BIRC5: variants seen among roughly 807,000 people sequenced by gnomAD.
The protein encoded by BIRC5 is baculoviral IAP repeat-containing protein 5.
Under a neutral mutation model 15.8 loss-of-function variants are expected in BIRC5, and 8 were observed. That is an observed-to-expected ratio of 0.51 (90% confidence interval 0.30 to 0.91). The LOEUF is 0.91. Ranked by LOEUF, BIRC5 falls within the 40% of genes least tolerant of loss-of-function variation. The pLI is 0.07. For synonymous variants in BIRC5, 56 were observed against 64.5 expected, an observed-to-expected ratio of 0.87 and a Z score of 0.63; for missense variants, 163 against 178.6, an observed-to-expected ratio of 0.91 and a Z score of 0.50.
In BIRC5 at chr17:78,216,801, A is replaced by G; in HGVS notation, c.339+20A>G. 5 of 1,575,942 alleles carry G rather than the reference A, an allele frequency of 3.2e-6. No homozygotes were observed. The highest frequency in any genetic ancestry group is 4.4e-6 in the Non-Finnish European group (5 of 1,148,056). On this transcript the variant is annotated intron_variant, in intron 3 of 3. Coordinates refer to ENST00000350051, the MANE Select transcript of BIRC5 (RefSeq NM_001168.3). ...AAAATTGTATGTATTGGGAATAAGAACTGCTCAAACCCTGTTCAATGTCTT... is the reference window on the plus strand; with the variant it reads ...AAAATTGTATGTATTGGGAATAAGAGCTGCTCAAACCCTGTTCAATGTCTT...
chr17:78,218,423 A>G (rs990659135), intron 3 of BIRC5, among the ~76,000 whole-genome samples: 1 of 149,588 alleles, frequency 6.7e-6, no homozygotes, highest in Non-Finnish European at 1.5e-5. Flanking sequence ...CCTCCCGAGT[A>G]GCTGGGACTA....
At chr17:78,222,119 T>C (rs1056027194) in intron 3 of BIRC5, among the ~76,000 whole-genome samples, 2 of 152,006 alleles carry the variant, frequency 1.3e-5, no homozygotes, top group Non-Finnish European at 2.9e-5. Context: ...GAGGATCACT[T>C]TGAGCCTTGC....
Position 78,215,920 on chromosome 17 carries a change from G to C in BIRC5, c.222-744G>C, listed in dbSNP as rs771479665. 40 of 1,065,790 alleles carry C rather than the reference G, an allele frequency of 3.8e-5. 1 individual carries two copies. The South Asian group carries it at 9.8e-4, about 26-fold the overall frequency. 66.0% of individuals were successfully genotyped at this position (1,065,790 alleles called of 1,614,324 possible). On this transcript the variant is annotated intron_variant, in intron 2 of 3. Coordinates refer to ENST00000350051, the MANE Select transcript of BIRC5 (RefSeq NM_001168.3). ...AGAGTGTGAGCTAGGGGGTCCCTTGGGGAACCCGGGGCAATAATGCCCTTC... is the reference window on the plus strand; with the variant it reads ...AGAGTGTGAGCTAGGGGGTCCCTTGCGGAACCCGGGGCAATAATGCCCTTC...
At chr17:78,220,830 C>T (rs2076510454) in intron 3 of BIRC5, among the ~76,000 whole-genome samples, 1 of 152,136 alleles carries the variant, frequency 6.6e-6, no homozygotes, top group Non-Finnish European at 1.5e-5. Context: ...AAATGATTCT[C>T]CCACCTCAGC....
At chr17:78,222,060 G>T (rs1807288345) in intron 3 of BIRC5, among the ~76,000 whole-genome samples, 1 of 151,892 alleles carries the variant, frequency 6.6e-6, no homozygotes, top group African/African-American at 2.4e-5. Context: ...AATTAGCCAG[G>T]CATGGTGGCA....
rs1491029952 is a variant in BIRC5, at chr17:78,223,701, CTT to C, written c.*148_*149del. The C allele has an allele frequency of 1.4e-6, 2 of 1,453,004 alleles. No individual in the cohort carries two copies. Among genetic ancestry groups the C allele is most frequent in the Non-Finnish European group, 1.8e-6 (2 of 1,095,790 alleles). 90.0% of individuals were successfully genotyped at this position (1,453,004 alleles called of 1,614,324 possible). ...TCAAATTAGATGTTTCAACTGTGCT[CTT>C]GTTTTGTCTTGAAAGTGGCACCAGA... On this transcript the variant is annotated 3_prime_UTR_variant, in exon 4 of 4. Transcript: ENST00000350051.
chr17:78,214,525 C>A, intron 1 of BIRC5, 98 bp downstream of exon 1: 1 of 1,300,480 alleles, frequency 7.7e-7, no homozygotes, highest in Non-Finnish European at 1.0e-6. Flanking sequence ...GCCGCCCTCC[C>A]CTCCCCGTCC....
At chr17:78,215,431 GAAAA>G (rs955782633) in intron 2 of BIRC5, among the ~76,000 whole-genome samples, 1 of 135,522 alleles carries the variant, frequency 7.4e-6, no homozygotes, top group African/African-American at 2.7e-5. Context: ...ATAAAAAATT[GAAAA>G]AAAAAAAAGA....
At chr17:78,214,485 G>A in intron 1 of BIRC5, 58 bp downstream of exon 1, 1 of 1,449,408 alleles carries the variant, frequency 6.9e-7, no homozygotes, top group Non-Finnish European at 9.2e-7. Flanking sequence ...TCCCTAGCGA[G>A]GCCACTGTGA....
At chr17:78,216,536 A>G (rs2076479113) in intron 2 of BIRC5, 128 bp from the exon 3 acceptor site, 1 of 742,822 alleles carries the variant, frequency 1.3e-6, no homozygotes, top group Admixed American at 2.1e-5. Flanking sequence ...TCAACTTCAG[A>G]CTTGACGTCT....
In BIRC5 at chr17:78,222,791, C is replaced by T. The variant is rs1175132750; in HGVS notation, c.340-674C>T. 4.6e-6 allele frequency: 7 copies of T among 1,533,906 alleles called. No homozygotes were observed. In the Admixed American group the frequency reaches 1.2e-4, roughly 26 times the overall value. On this transcript the variant is annotated intron_variant, in intron 3 of 3. Coordinates refer to ENST00000350051, the MANE Select transcript of BIRC5 (RefSeq NM_001168.3). The stretch of plus-strand genomic sequence containing the variant: ...AAAAAATATGGTAGGGAAGGGGGTC[C>T]CTGGATTTGCTAATGTGATTGTCAT...
intron 3 of BIRC5, among the ~76,000 whole-genome samples, chr17:78,220,244 T>C (rs2076505935): frequency 6.6e-6 from 1 of 152,042 alleles, no homozygotes; most frequent in Non-Finnish European, 1.5e-5. Flanking sequence ...CTGGCTAACA[T>C]GGTGAAACCC....
At chr17:78,223,013 A>C in intron 3 of BIRC5, 1 of 1,459,978 alleles carries the variant, frequency 6.8e-7, no homozygotes, top group Non-Finnish European at 9.0e-7. Context: ...GGTTAAGAGC[A>C]GAGCTCTGCC....
At chr17:78,217,792 C>T (rs909157242) in intron 3 of BIRC5, among the ~76,000 whole-genome samples, 4 of 151,802 alleles carry the variant, frequency 2.6e-5, no homozygotes, top group East Asian at 1.9e-4. Flanking sequence ...CCACCACACC[C>T]GGCTATTTTT....
At chr17:78,221,103 C>A (rs1042597164) in intron 3 of BIRC5, among the ~76,000 whole-genome samples, 3 of 152,154 alleles carry the variant, frequency 2.0e-5, no homozygotes, top group African/African-American at 7.2e-5. Flanking sequence ...TAAATTAGAA[C>A]CAGTGTGAAA....
chr17:78,223,364 C>A, intron 3 of BIRC5, 101 bp from the exon 4 acceptor site: 1 of 1,164,798 alleles, frequency 8.6e-7, no homozygotes, highest in Non-Finnish European at 1.2e-6. Flanking sequence ...TTTAGGTGCT[C>A]TCTCAGTGTT....
intron 2 of BIRC5, chr17:78,215,231 A>G (rs760282854): frequency 6.4e-6 from 1 of 157,258 alleles, no homozygotes; most frequent in Non-Finnish European, 1.4e-5. Flanking sequence ...TGCCTGGCCA[A>G]CTTGGCGAAA....
At chr17:78,220,044 C>G (rs1269040349) in intron 3 of BIRC5, among the ~76,000 whole-genome samples, 1 of 152,158 alleles carries the variant, frequency 6.6e-6, no homozygotes, top group African/African-American at 2.4e-5. Context: ...CTGGTGGACG[C>G]TGCGGGGTGC....
At position 78,224,051 on chromosome 17, in the gene BIRC5, GTTGTGTTTTTT is replaced by G. The variant is rs373960358; in HGVS notation, c.*499_*509del. The stretch of plus-strand genomic sequence containing the variant: ...CTCCTCAGAGGACAGTTTTTTTGTT[GTTGTGTTTTTT>G]TGTTTTTTTTTTTTTGGTAGATGCA... On this transcript the variant is annotated 3_prime_UTR_variant, in exon 4 of 4. Transcript: ENST00000350051. The G allele has an allele frequency of 1.8e-4, 21 of 114,826 alleles. No homozygotes were observed. Among genetic ancestry groups the G allele is most frequent in the African/African-American group, 2.5e-4 (7 of 28,190 alleles). 7.1% of individuals were successfully genotyped at this position (114,826 alleles called of 1,614,324 possible).
Sources: gnomAD v4.1 joint callset for allele counts (sites outside exome capture counted in the v4.1 genomes callset) on GRCh38, gnomAD v4.1.1 for gene constraint, MANE v1.5 for transcripts, NCBI Gene and HGNC (gene_info 2026-07-23, HGNC 2026-07-21) for gene names.